The following HMGB1 variants were observed in gnomAD, a reference collection of about 807,000 sequenced individuals.
HMGB1 encodes high mobility group protein B1.
For missense variants in HMGB1, 79 were observed against 253.5 expected (o/e 0.31, Z 4.67); for synonymous variants, 81 against 84.0 (o/e 0.96, Z 0.19).
chr13:30,494,772 G>A (rs1486086318), intron 1 of HMGB1, among the ~76,000 whole-genome samples: 1 of 152,024 alleles, frequency 6.6e-6, no homozygotes, highest in Admixed American at 6.6e-5. Context: ...TTAAAACTCT[G>A]TATCCATTAA....
chr13:30,567,581 A>C (rs956364618), intron 1 of HMGB1, among the ~76,000 whole-genome samples: 3 of 151,892 alleles, frequency 2.0e-5, no homozygotes, highest in African/African-American at 7.3e-5. Context: ...TAAACTCCTG[A>C]CCTCGTGATC....
chr13:30,465,197 G>GCCA, intron 1 of HMGB1: 2 of 825,950 alleles, frequency 2.4e-6, no homozygotes, highest in African/African-American at 2.0e-5. Flanking sequence ...CCGCCCGGCC[G>GCCA]CCGCCGCCGC....
chr13:30,517,914 A>G (rs1289941954), intron 1 of HMGB1, among the ~76,000 whole-genome samples: 2 of 152,244 alleles, frequency 1.3e-5, no homozygotes, highest in Non-Finnish European at 2.9e-5. Flanking sequence ...ACTGGAAACT[A>G]TAACTGTAGA....
chr13:30,510,779 G>C (rs957827419), intron 1 of HMGB1, among the ~76,000 whole-genome samples: 3 of 152,074 alleles, frequency 2.0e-5, no homozygotes, highest in South Asian at 2.1e-4. Context: ...ACAGCATCTC[G>C]CACAATCTTG....
chr13:30,586,514 G>C (rs1163372041), intron 1 of HMGB1, among the ~76,000 whole-genome samples: 2 of 104,728 alleles, frequency 1.9e-5, no homozygotes, highest in African/African-American at 6.9e-5. Flanking sequence ...TTGAGATGGA[G>C]TTTCGCTCTG....
At chr13:30,500,536 ATTTTTTTTTTT>A (rs60691018) in intron 1 of HMGB1, among the ~76,000 whole-genome samples, 3 of 128,454 alleles carry the variant, frequency 2.3e-5, no homozygotes, top group Non-Finnish European at 3.2e-5. Context: ...CACCTGGCTA[ATTTTTTTTTTT>A]TTTTTTTTTT....
intron 1 of HMGB1, among the ~76,000 whole-genome samples, chr13:30,476,451 T>A (rs542209658): frequency 6.6e-6 from 1 of 152,118 alleles, no homozygotes; most frequent in Admixed American, 6.5e-5. Context: ...CATGTACTCT[T>A]GAGATGAGGA....
intron 1 of HMGB1, among the ~76,000 whole-genome samples, chr13:30,535,938 G>C (rs1868412997): frequency 6.6e-6 from 1 of 152,098 alleles, no homozygotes; most frequent in Non-Finnish European, 1.5e-5. Context: ...TCACGATTAA[G>C]ACAGGAATAT....
rs1028426879 is a variant in HMGB1 at position 30,559,160 on chromosome 13, G to A, written c.-15+57511C>T. On this transcript the variant is annotated intron_variant, in intron 1 of 4. Transcript: ENST00000405805. This position sits in a 1 kb window ranked among gnomAD's most constrained non-coding sequence, Gnocchi z 6.6. ...GCCAAATGTACCTGGGGTGGGGGGTGCGGGTGGAGGAAAAATTGCCCCTGT... is the reference window on the plus strand; with the variant it reads ...GCCAAATGTACCTGGGGTGGGGGGTACGGGTGGAGGAAAAATTGCCCCTGT... Among the ~76,000 whole-genome samples the A allele has an allele frequency of 9.9e-5, 15 of 152,062 alleles. No individual in the cohort carries two copies. Among genetic ancestry groups the A allele is most frequent in the Admixed American group, 8.5e-4 (13 of 15,268 alleles).
chr13:30,483,378 C>A (rs1022516361), intron 1 of HMGB1, among the ~76,000 whole-genome samples: 2 of 152,038 alleles, frequency 1.3e-5, no homozygotes, highest in Non-Finnish European at 2.9e-5. Context: ...CTCCCCGCAA[C>A]CAGCAAACCC....
intron 1 of HMGB1, among the ~76,000 whole-genome samples, chr13:30,503,292 C>A (rs556144089): frequency 6.6e-6 from 1 of 151,544 alleles, no homozygotes; most frequent in African/African-American, 2.4e-5. Flanking sequence ...TGCAGTGAGC[C>A]GAGATCGCGC....
At position 30,554,326 on chromosome 13, in the gene HMGB1, C is replaced by T. The variant is rs1427182684; in HGVS notation, c.-15+62345G>A. On this transcript the variant is annotated intron_variant, in intron 1 of 4. Transcript: ENST00000405805. The stretch of plus-strand genomic sequence containing the variant: ...CTGCAGTGATCCATTGTAGCGAAGG[C>T]ACTGGGTGCACGGGCACCTTCTCTC... The T allele has an allele frequency of 1.7e-5, 16 of 955,718 alleles. No individual in the cohort carries two copies. In the African/African-American group the frequency reaches 2.1e-4, roughly 12 times the overall value. 59.2% of individuals were successfully genotyped at this position (955,718 alleles called of 1,614,324 possible). A position where few individuals can be genotyped will look rare whatever the true frequency, so the allele number is the denominator to read the frequency against.
chr13:30,543,761 A>G (rs1869022148), intron 1 of HMGB1, among the ~76,000 whole-genome samples: 2 of 152,284 alleles, frequency 1.3e-5, no homozygotes, highest in Admixed American at 1.3e-4. Context: ...GGTCTCTAAA[A>G]ATGTACACCC....
chr13:30,552,213 C>T (rs565604232), intron 1 of HMGB1, among the ~76,000 whole-genome samples: 1 of 152,296 alleles, frequency 6.6e-6, no homozygotes, highest in East Asian at 1.9e-4. Flanking sequence ...CATTTTGCTA[C>T]ATTTGTGTTC....
At chr13:30,604,500 A>G (rs1351997840) in intron 1 of HMGB1, among the ~76,000 whole-genome samples, 5 of 152,152 alleles carry the variant, frequency 3.3e-5, no homozygotes, top group Admixed American at 3.3e-4. Context: ...GCTACTAAAC[A>G]TCCTACAATG....
intron 1 of HMGB1, chr13:30,554,041 C>T (rs1254030231): frequency 2.7e-5 from 38 of 1,433,094 alleles, no homozygotes; most frequent in East Asian, 4.6e-5. Context: ...GTTAAATGTG[C>T]GCAGTACTGG....
chr13:30,563,171 T>G (rs1237326943), intron 1 of HMGB1, among the ~76,000 whole-genome samples: 1 of 152,230 alleles, frequency 6.6e-6, no homozygotes, highest in Admixed American at 6.5e-5. Context: ...TGCTTCGAGG[T>G]CAAATCGATT....
intron 1 of HMGB1, among the ~76,000 whole-genome samples, chr13:30,525,858 G>GC (rs1555237435): frequency 4.0e-5 from 6 of 151,458 alleles, no homozygotes; most frequent in African/African-American, 1.5e-4. Flanking sequence ...TGAGATTGTG[G>GC]GGGGACACAA....
At chr13:30,486,143 G>A (rs1887358113) in intron 1 of HMGB1, among the ~76,000 whole-genome samples, 1 of 152,196 alleles carries the variant, frequency 6.6e-6, no homozygotes, top group African/African-American at 2.4e-5. Flanking sequence ...TACCCTAAAA[G>A]TTTGAGGCTG....
Sources: allele counts gnomAD v4.1 joint callset (sites outside exome capture counted in the v4.1 genomes callset), GRCh38; gene constraint gnomAD v4.1.1; non-coding constraint Gnocchi (gnomAD v3.1); transcripts MANE v1.5; gene names NCBI Gene and HGNC (gene_info 2026-07-23, HGNC 2026-07-21).